USP48: variants seen among roughly 807,000 people sequenced by gnomAD.
The protein encoded by USP48 is ubiquitin specific peptidase 48.
Under a neutral mutation model 150.7 loss-of-function variants are expected in USP48, and 43 were observed. The observed-to-expected ratio is 0.29, with a 90% CI of 0.22 to 0.37. The LOEUF is 0.37. USP48 is among the 10% of genes least tolerant of loss of function. The pLI is 1.00. For missense variants in USP48, 813 were observed against 1,249.6 expected (o/e 0.65, Z 5.27); for synonymous variants, 396 against 425.9 (o/e 0.93, Z 0.86).
chr1:21,768,681 C>G (rs371651141), intron 1 of USP48: 3 of 151,442 alleles, frequency 2.0e-5, no homozygotes, highest in African/African-American at 4.9e-5. Flanking sequence ...CCCACCCCCC[C>G]TTTCCTTCTA....
At position 21,733,833 on chromosome 1, in the gene USP48, C is replaced by T. The variant is rs995255256; in HGVS notation, c.1171+2613G>A. On this transcript the variant is annotated intron_variant, in intron 9 of 26. Coordinates refer to ENST00000308271, the MANE Select transcript of USP48 (RefSeq NM_032236.8). ...TTCAGACAAGGTCTCACTCCGTAGC[C>T]CAGGCTGGAGTGCAGTGGTGCAATC... is the stretch of plus-strand genomic sequence containing the variant. Among the ~76,000 whole-genome samples, 6 of 151,600 alleles carry T rather than the reference C, an allele frequency of 4.0e-5. No individual in the cohort carries two copies. The South Asian group carries it at 1.3e-3, about 32-fold the overall frequency.
chr1:21,694,840 G>C lies in USP48; in HGVS notation c.2883+226C>G, dbSNP rs536142860. Among the ~76,000 whole-genome samples the C allele has an allele frequency of 1.4e-3, 210 of 152,246 alleles. 2 individuals carry two copies. The highest frequency in any genetic ancestry group is 4.7e-3 in the African/African-American group (196 of 41,538). On this transcript the variant is annotated intron_variant, in intron 23 of 26. Coordinates refer to ENST00000308271, the MANE Select transcript of USP48 (RefSeq NM_032236.8). ...ACCTCAACATGTGACAAATTAAGTG[G>C]TTCCCAGCGTTTCTCATTATTGGAA...
chr1:21,725,189 G>C (rs563579189), intron 11 of USP48: 1 of 152,286 alleles, frequency 6.6e-6, no homozygotes, highest in Non-Finnish European at 1.5e-5. Context: ...GTCGAATGTG[G>C]CTCCAGAGGA....
In USP48 at chr1:21,757,802, C is replaced by A. The variant is rs746513756; in HGVS notation, c.135-19G>T. 2 of 1,565,762 alleles carry A rather than the reference C, an allele frequency of 1.3e-6. No individual in the cohort carries two copies. Among genetic ancestry groups the A allele is most frequent in the Non-Finnish European group, 1.7e-6 (2 of 1,163,112 alleles). Reference sequence around the variant, plus strand: ...GTTTCGTCTAAGGGGAAAAAAAAAACCTTTAATTTTTAAAAGACCATAGTT... The same window carrying A: ...GTTTCGTCTAAGGGGAAAAAAAAAAACTTTAATTTTTAAAAGACCATAGTT... On this transcript the variant is annotated intron_variant, in intron 1 of 26. Transcript: ENST00000308271.
intron 6 of USP48, among the ~76,000 whole-genome samples, chr1:21,750,280 G>C (rs968223723): frequency 6.6e-6 from 1 of 152,106 alleles, no homozygotes; most frequent in South Asian, 2.1e-4. Context: ...CTCATTTTGG[G>C]CTCTGCACTT....
chr1:21,724,081 C>CA lies in USP48; in HGVS notation c.1464dup (p.Val489CysfsTer12). ...CACTTTTGCAGCCATTCCAGAGAGA[C>CA]AAACTCATAGGGCTCTGAGAAAGCA... On this transcript the variant is annotated frameshift_variant, in exon 12 of 27. Transcript: ENST00000308271. LOFTEE classifies it high-confidence loss of function. The CA allele has an allele frequency of 6.2e-7, 1 of 1,614,138 alleles. No homozygotes were observed. The highest frequency in any genetic ancestry group is 8.5e-7 in the Non-Finnish European group (1 of 1,180,014).
intron 9 of USP48, among the ~76,000 whole-genome samples, chr1:21,734,696 A>C (rs1438700081): frequency 1.3e-5 from 2 of 152,242 alleles, no homozygotes; most frequent in Non-Finnish European, 2.9e-5. Flanking sequence ...AAATGATATG[A>C]CCACACTTGT....
chr1:21,769,512 A>G (rs973726933), intron 1 of USP48, among the ~76,000 whole-genome samples: 7 of 151,954 alleles, frequency 4.6e-5, no homozygotes, highest in Non-Finnish European at 1.0e-4. Context: ...TCCTGGGTTC[A>G]AGCAATTCTC....
chr1:21,692,916 A>G (rs961985277), intron 23 of USP48, among the ~76,000 whole-genome samples: 1 of 152,150 alleles, frequency 6.6e-6, no homozygotes, highest in African/African-American at 2.4e-5. Flanking sequence ...TCTAAGTGCT[A>G]GGAGAATGCT....
At chr1:21,720,418 C>A (rs1194423750) in intron 14 of USP48, among the ~76,000 whole-genome samples, 1 of 152,090 alleles carries the variant, frequency 6.6e-6, no homozygotes, top group African/African-American at 2.4e-5. Context: ...GCTTAAAAAT[C>A]TTTTATTTGC....
intron 1 of USP48, among the ~76,000 whole-genome samples, chr1:21,776,134 A>G (rs140799160): frequency 6.6e-6 from 1 of 152,268 alleles, no homozygotes; most frequent in Non-Finnish European, 1.5e-5. Context: ...CCCTTACCCA[A>G]CAATTTTACT....
intron 9 of USP48, among the ~76,000 whole-genome samples, chr1:21,731,317 G>A (rs1415998425): frequency 1.3e-5 from 2 of 151,860 alleles, no homozygotes; most frequent in African/African-American, 2.4e-5. Context: ...AGGCTGGAGT[G>A]GAATGGCACG....
rs755930280 is a variant in USP48 at position 21,772,622 on chromosome 1, C to CAA, written c.134+10200_134+10201dup. 1.1e-4 allele frequency among the ~76,000 whole-genome samples: 12 copies of CAA among 111,902 alleles called. No homozygotes were observed. The East Asian group carries it at 1.3e-3, about 12-fold the overall frequency. 73.4% of individuals were successfully genotyped at this position (111,902 alleles called of 152,430 possible). Reference sequence around the variant, plus strand: ...TGGGTGACACAGCGAGGCTCCATCTCAAAAAAAAAAAAAACTAGGCCAGGC... The same window carrying CAA: ...TGGGTGACACAGCGAGGCTCCATCTCAAAAAAAAAAAAAAAACTAGGCCAGGC... On this transcript the variant is annotated intron_variant, in intron 1 of 26. Transcript: ENST00000308271.
intron 14 of USP48, among the ~76,000 whole-genome samples, chr1:21,717,852 G>A (rs1008517975): frequency 6.6e-6 from 1 of 152,092 alleles, no homozygotes; most frequent in African/African-American, 2.4e-5. Context: ...TACTCCGGAG[G>A]CTGAGCCCAG....
chr1:21,721,049 G>GCTAC lies in USP48; in HGVS notation c.1877_1880dup (p.Ser627ArgfsTer2). The GCTAC allele has an allele frequency of 6.2e-7, 1 of 1,614,220 alleles. No homozygotes were observed. Among genetic ancestry groups the GCTAC allele is most frequent in the Non-Finnish European group, 8.5e-7 (1 of 1,180,018 alleles). ...TTAAAGTGTTACCTTTATTTAAGGT[G>GCTAC]CTACCGTTCATCTTTCCGTTGCTTT... On this transcript the variant is annotated stop_gained and frameshift_variant, in exon 14 of 27. Transcript: ENST00000308271. LOFTEE classifies it high-confidence loss of function.
intron 25 of USP48, chr1:21,686,609 G>C (rs1391938597): frequency 6.6e-6 from 1 of 152,330 alleles, no homozygotes; most frequent in Non-Finnish European, 1.5e-5. Flanking sequence ...CTTCCCACCT[G>C]GGGGAGGGTA....
chr1:21,697,616 TTG>T (rs1557437499), intron 22 of USP48, among the ~76,000 whole-genome samples: 5 of 148,556 alleles, frequency 3.4e-5, no homozygotes, highest in Admixed American at 2.7e-4. Context: ...TGAGCTGAGA[TTG>T]CACCACTGCA....
At chr1:21,731,601 C>G (rs942294476) in intron 9 of USP48, among the ~76,000 whole-genome samples, 2 of 150,668 alleles carry the variant, frequency 1.3e-5, no homozygotes, top group Middle Eastern at 3.2e-3. Flanking sequence ...ATGAAATGGG[C>G]CAGGTGCGGT....
At chr1:21,705,149 TTA>T (rs2097668588) in intron 19 of USP48, among the ~76,000 whole-genome samples, 2 of 152,316 alleles carry the variant, frequency 1.3e-5, no homozygotes, top group South Asian at 2.1e-4. Flanking sequence ...GCATTTTTAT[TTA>T]TGTGTTCCAA....
Sources: allele counts gnomAD v4.1 joint callset (sites outside exome capture counted in the v4.1 genomes callset), GRCh38; gene constraint gnomAD v4.1.1; transcripts MANE v1.5; gene names NCBI Gene and HGNC (gene_info 2026-07-23, HGNC 2026-07-21).